LY86: variants seen among roughly 807,000 people sequenced by gnomAD.
The protein encoded by LY86 is lymphocyte antigen 86.
LY86 carries 20 observed loss-of-function variants against 17.3 expected under a neutral mutation model. That is an observed-to-expected ratio of 1.15 (90% CI 0.81 to 1.68). The LOEUF (loss-of-function observed/expected upper bound fraction) is 1.68. Among genes scored for constraint, LY86 ranks in the 40% most tolerant of loss-of-function variants. The pLI is 0.00. For missense variants in LY86, 200 were observed against 191.9 expected, an observed-to-expected ratio of 1.04 and a Z score of -0.25; for synonymous variants, 74 against 70.6, an observed-to-expected ratio of 1.05 and a Z score of -0.24.
intron 1 of LY86, among the ~76,000 whole-genome samples, chr6:6,600,766 C>T (rs1760883725): frequency 6.6e-6 from 1 of 152,110 alleles, no homozygotes; most frequent in Non-Finnish European, 1.5e-5. Context: ...AAAATCCTTC[C>T]ACTTCTCTCC....
chr6:6,594,533 T>C (rs576155474), intron 1 of LY86, among the ~76,000 whole-genome samples: 50 of 152,332 alleles, frequency 3.3e-4, no homozygotes, highest in African/African-American at 1.2e-3. Flanking sequence ...TGGAACTTTC[T>C]AGAAAAGGCT....
At chr6:6,624,571 G>A (rs541893103) in intron 1 of LY86, among the ~76,000 whole-genome samples, 1 of 151,954 alleles carries the variant, frequency 6.6e-6, no homozygotes, top group African/African-American at 2.4e-5. Flanking sequence ...TATTAAATCC[G>A]CTATGCAATC....
At chr6:6,612,208 C>T (rs573900509) in intron 1 of LY86, among the ~76,000 whole-genome samples, 41 of 152,310 alleles carry the variant, frequency 2.7e-4, no homozygotes, top group African/African-American at 8.9e-4. Context: ...GCCACAGACC[C>T]TCACAGTTAA....
intron 1 of LY86, among the ~76,000 whole-genome samples, chr6:6,590,559 G>C (rs1486210615): frequency 1.3e-5 from 2 of 152,130 alleles, no homozygotes; most frequent in Non-Finnish European, 2.9e-5. Context: ...ATAAATTTGA[G>C]GGGATGCAAT....
At chr6:6,603,629 C>CAA (rs1280116691) in intron 1 of LY86, among the ~76,000 whole-genome samples, 1 of 63,154 alleles carries the variant, frequency 1.6e-5, no homozygotes, top group Non-Finnish European at 3.7e-5. Flanking sequence ...CAAAAAAAAA[C>CAA]AAAACACACA....
At chr6:6,605,089 T>C (rs1272309691) in intron 1 of LY86, among the ~76,000 whole-genome samples, 1 of 146,454 alleles carries the variant, frequency 6.8e-6, no homozygotes, top group Non-Finnish European at 1.5e-5. Context: ...CTTTAAAGGG[T>C]ACTTGAAATG....
intron 3 of LY86, 133 bp from the exon 4 acceptor site, chr6:6,649,492 A>G: frequency 6.4e-6 from 3 of 465,964 alleles, no homozygotes; most frequent in Non-Finnish European, 7.4e-6. Context: ...AGGAAATGAA[A>G]ACATTTCTAG....
chr6:6,613,252 C>T (rs1045974554), intron 1 of LY86, among the ~76,000 whole-genome samples: 9 of 152,392 alleles, frequency 5.9e-5, no homozygotes, highest in Admixed American at 2.0e-4. Flanking sequence ...GTGGAGCTGC[C>T]TGCCAATCCC....
At chr6:6,612,791 C>A (rs1761419241) in intron 1 of LY86, among the ~76,000 whole-genome samples, 1 of 152,220 alleles carries the variant, frequency 6.6e-6, no homozygotes, top group South Asian at 2.1e-4. Flanking sequence ...TATTTACAAA[C>A]CCTGAGCTAG....
chr6:6,623,056 C>T lies in LY86; in HGVS notation c.137-1870C>T, dbSNP rs963622448. Among the ~76,000 whole-genome samples, 4 of 152,210 alleles carry T rather than the reference C, an allele frequency of 2.6e-5. No homozygotes were observed. In the East Asian group the frequency reaches 7.7e-4, roughly 29 times the overall value. ...GTAAAATGAGGTAAATCATACCTAT[C>T]TCTTCAGATTATTGTTTATTCTGCA... On this transcript the variant is annotated intron_variant, in intron 1 of 4. Transcript: ENST00000230568.
At chr6:6,648,777 A>AAC (rs1320547522) in intron 3 of LY86, among the ~76,000 whole-genome samples, 1 of 138,688 alleles carries the variant, frequency 7.2e-6, no homozygotes, top group Non-Finnish European at 1.7e-5. Context: ...AAAAAGAAAA[A>AAC]AACAAGGAAA....
intron 3 of LY86, among the ~76,000 whole-genome samples, chr6:6,641,397 C>A (rs115714489): frequency 8.5e-5 from 13 of 152,214 alleles, no homozygotes; most frequent in African/African-American, 3.1e-4. Context: ...ACCGTGCCCC[C>A]CTCCTGCTTC....
intron 4 of LY86, among the ~76,000 whole-genome samples, chr6:6,651,598 C>T (rs1762187989): frequency 6.6e-6 from 1 of 152,122 alleles, no homozygotes; most frequent in East Asian, 1.9e-4. Context: ...GTTTTTCTTT[C>T]CCCATTGTTC....
chr6:6,634,310 T>C (rs1246264871), intron 3 of LY86, among the ~76,000 whole-genome samples: 1 of 152,248 alleles, frequency 6.6e-6, no homozygotes, highest in Non-Finnish European at 1.5e-5. Flanking sequence ...AATCCTCTAG[T>C]TGAGAAAATA....
At chr6:6,600,627 AAG>A (rs1156785237) in intron 1 of LY86, among the ~76,000 whole-genome samples, 6 of 121,860 alleles carry the variant, frequency 4.9e-5, no homozygotes, top group African/African-American at 1.9e-4. Flanking sequence ...AAAAAAAAAA[AAG>A]AAAATATAGC....
chr6:6,648,772 G>A (rs6911142), intron 3 of LY86, among the ~76,000 whole-genome samples: 82,303 of 149,938 alleles, frequency 0.55, 24,453 homozygotes, highest in African/African-American at 0.78. Flanking sequence ...TTGGAAAAAA[G>A]AAAAAAACAA....
chr6:6,595,302 AAGG>A (rs780179281), intron 1 of LY86, among the ~76,000 whole-genome samples: 3 of 127,664 alleles, frequency 2.3e-5, no homozygotes, highest in African/African-American at 9.7e-5. Flanking sequence ...AGAAGAGGAG[AAGG>A]AGGAGGAGGT....
chr6:6,650,874 T>TTTCATC (rs1432279064), intron 4 of LY86, among the ~76,000 whole-genome samples: 19 of 152,126 alleles, frequency 1.2e-4, no homozygotes, highest in Non-Finnish European at 2.5e-4. Context: ...ATACTCTCCC[T>TTTCATC]CTCATCCTCT....
intron 1 of LY86, among the ~76,000 whole-genome samples, chr6:6,603,084 ACT>A (rs1250549478): frequency 1.3e-5 from 2 of 151,332 alleles, no homozygotes; most frequent in Non-Finnish European, 2.9e-5. Context: ...GGTCCTCCCG[ACT>A]CTGTCCTTAT....
Sources: allele counts gnomAD v4.1 joint callset (sites outside exome capture counted in the v4.1 genomes callset), GRCh38; gene constraint gnomAD v4.1.1; transcripts MANE v1.5; gene names NCBI Gene and HGNC (gene_info 2026-07-23, HGNC 2026-07-21).